STK3: variants seen among roughly 807,000 people sequenced by gnomAD.
STK3 encodes the protein serine/threonine kinase 3.
A neutral mutation model predicts 58.0 loss-of-function variants in STK3; 41 were observed. The observed-to-expected ratio is 0.71, with a 90% confidence interval of 0.55 to 0.92. STK3 has a LOEUF of 0.92. Among genes scored for constraint, STK3 ranks in the 40% least tolerant of loss-of-function variants. The pLI, the probability that STK3 is intolerant of heterozygous loss-of-function variation, is 0.00. For synonymous variants in STK3, 170 were observed against 191.0 expected, an observed-to-expected ratio of 0.89 and a Z score of 0.91; for missense variants, 479 against 602.7, an observed-to-expected ratio of 0.79 and a Z score of 2.15.
At chr8:98,642,876 C>T (rs1487826287) in intron 6 of STK3, among the ~76,000 whole-genome samples, 1 of 152,184 alleles carries the variant, frequency 6.6e-6, no homozygotes, top group Non-Finnish European at 1.5e-5. Flanking sequence ...ATCTACTGCA[C>T]AGTGTTCTTA....
chr8:98,684,178 A>T (rs1823820726), intron 6 of STK3, among the ~76,000 whole-genome samples: 1 of 152,192 alleles, frequency 6.6e-6, no homozygotes, highest in Admixed American at 6.5e-5. Flanking sequence ...GATAAAATGT[A>T]TCACAGTCCT....
chr8:98,754,835 T>C (rs1453297276), intron 3 of STK3, among the ~76,000 whole-genome samples: 1 of 152,144 alleles, frequency 6.6e-6, no homozygotes, highest in East Asian at 1.9e-4. Flanking sequence ...AATATGAATG[T>C]TCTCATTCAA....
chr8:98,510,109 G>T (rs1435453855), intron 10 of STK3, among the ~76,000 whole-genome samples: 2 of 151,996 alleles, frequency 1.3e-5, no homozygotes, highest in Admixed American at 6.6e-5. Context: ...ATAAATCAAA[G>T]CAGAAACTGG....
At chr8:98,874,177 C>G (rs7012298) in intron 3 of STK3, among the ~76,000 whole-genome samples, 5,737 of 152,294 alleles carry the variant, frequency 0.038, 137 homozygotes, top group South Asian at 0.068. Context: ...GGCCCCCACT[C>G]TCTTCTGGCT....
intron 1 of STK3, among the ~76,000 whole-genome samples, chr8:98,797,791 C>CT (rs1223303754): frequency 6.6e-5 from 10 of 152,190 alleles, no homozygotes; most frequent in Non-Finnish European, 8.8e-5. Context: ...GCTCAGAACT[C>CT]TGACAGTAGA....
At chr8:98,738,254 C>T (rs1828793117) in intron 4 of STK3, among the ~76,000 whole-genome samples, 1 of 152,056 alleles carries the variant, frequency 6.6e-6, no homozygotes, top group Non-Finnish European at 1.5e-5. Context: ...GGGTGGATCA[C>T]CCCACGTCAG....
At chr8:98,605,433 CTTT>C (rs1008693603) in intron 6 of STK3, among the ~76,000 whole-genome samples, 1 of 132,844 alleles carries the variant, frequency 7.5e-6, no homozygotes. Context: ...GCAAGCACAC[CTTT>C]TTTTTTTTTT....
chr8:98,835,012 G>A (rs1291986502), intron 3 of STK3, among the ~76,000 whole-genome samples: 1 of 152,062 alleles, frequency 6.6e-6, no homozygotes, highest in Non-Finnish European at 1.5e-5. Context: ...TTTTTTGTTT[G>A]TATCACAAAG....
chr8:98,741,012 T>C (rs1362461327), intron 4 of STK3, among the ~76,000 whole-genome samples: 1 of 152,136 alleles, frequency 6.6e-6, no homozygotes, highest in Non-Finnish European at 1.5e-5. Flanking sequence ...CATTACATAA[T>C]GGTAGAGGGA....
At chr8:98,875,399 T>C (rs1369852902) in intron 3 of STK3, 1 of 152,220 alleles carries the variant, frequency 6.6e-6, no homozygotes, top group Non-Finnish European at 1.5e-5. Flanking sequence ...AGGCTGAATG[T>C]TACCAAATCT....
intron 10 of STK3, among the ~76,000 whole-genome samples, chr8:98,476,531 G>C (rs1315436770): frequency 1.3e-5 from 2 of 152,186 alleles, no homozygotes; most frequent in Non-Finnish European, 2.9e-5. Context: ...GAAAAAAACT[G>C]ATTCCAGGTG....
At chr8:98,542,458 G>A (rs1250360332) in intron 9 of STK3, among the ~76,000 whole-genome samples, 1 of 151,994 alleles carries the variant, frequency 6.6e-6, no homozygotes, top group Non-Finnish European at 1.5e-5. Context: ...AGTTCATTTT[G>A]GAGATCATCA....
At chr8:98,488,043 G>C (rs769901947) in intron 10 of STK3, among the ~76,000 whole-genome samples, 2 of 152,190 alleles carry the variant, frequency 1.3e-5, no homozygotes, top group Non-Finnish European at 2.9e-5. Flanking sequence ...TACACATTAA[G>C]CTGGCACTGA....
At chr8:98,747,862 T>C (rs1829742549) in intron 4 of STK3, among the ~76,000 whole-genome samples, 1 of 152,198 alleles carries the variant, frequency 6.6e-6, no homozygotes, top group South Asian at 2.1e-4. Flanking sequence ...ATTCCAAGTG[T>C]ACAACTCCCC....
At position 98,729,693 on chromosome 8, in the gene STK3, T is replaced by C. The variant is rs184058602; in HGVS notation, c.351+19583A>G. On this transcript the variant is annotated intron_variant, in intron 4 of 10. Transcript: ENST00000419617. ...AAGCAAATATATATAGGGCCACTTATGTGCCAGGTGTTATTCTTTAAATAC... is the reference window on the plus strand; with the variant it reads ...AAGCAAATATATATAGGGCCACTTACGTGCCAGGTGTTATTCTTTAAATAC... Among the ~76,000 whole-genome samples, 63 of 152,358 alleles carry C rather than the reference T, an allele frequency of 4.1e-4. No individual in the cohort carries two copies. In the East Asian group the frequency reaches 0.01, roughly 24 times the overall value.
chr8:98,537,931 C>T (rs1362694379), intron 9 of STK3, among the ~76,000 whole-genome samples: 2 of 152,016 alleles, frequency 1.3e-5, no homozygotes, highest in East Asian at 3.9e-4. Context: ...CGTCAGTCCA[C>T]CCACAATTAT....
chr8:98,850,404 G>A (rs1836412645), intron 3 of STK3, among the ~76,000 whole-genome samples: 1 of 152,188 alleles, frequency 6.6e-6, no homozygotes, highest in South Asian at 2.1e-4. Context: ...CCTGTCTTCA[G>A]AGAGATTACT....
intron 4 of STK3, among the ~76,000 whole-genome samples, chr8:98,737,421 C>A (rs906160687): frequency 6.6e-6 from 1 of 151,778 alleles, no homozygotes; most frequent in African/African-American, 2.4e-5. Context: ...GGGTACTAGG[C>A]AAGAATAATA....
intron 6 of STK3, among the ~76,000 whole-genome samples, chr8:98,672,345 G>GCA (rs1697785002): frequency 1.3e-5 from 2 of 152,290 alleles, no homozygotes; most frequent in Admixed American, 1.3e-4. Context: ...TCCCGCCACT[G>GCA]CACTCCAGCC....
Sources: allele counts gnomAD v4.1 joint callset (sites outside exome capture counted in the v4.1 genomes callset), GRCh38; gene constraint gnomAD v4.1.1; transcripts MANE v1.5; gene names NCBI Gene and HGNC (gene_info 2026-07-23, HGNC 2026-07-21).